CTNND2: variants seen among roughly 807,000 people sequenced by gnomAD.
CTNND2 encodes the protein catenin delta 2.
In CTNND2, 22 loss-of-function variants were observed where a neutral mutation model predicts 144.4. The observed-to-expected ratio is 0.15, with a 90% CI of 0.11 to 0.22. CTNND2 has a LOEUF of 0.22. Among genes scored for constraint, CTNND2 ranks in the 10% least tolerant of loss-of-function variants. The pLI, the probability that CTNND2 is intolerant of heterozygous loss-of-function variation, is 1.00. For missense variants in CTNND2, 1,353 were observed against 1,618.8 expected (o/e 0.84, Z 2.82); for synonymous variants, 751 against 695.6 (o/e 1.08, Z -1.25).
At chr5:11,359,702 A>T (rs2149762435) in intron 8 of CTNND2, among the ~76,000 whole-genome samples, 1 of 152,246 alleles carries the variant, frequency 6.6e-6, no homozygotes, top group South Asian at 2.1e-4. Context: ...GGATGCAGGC[A>T]TTGCTGTCCC....
intron 3 of CTNND2, among the ~76,000 whole-genome samples, chr5:11,464,504 A>T (rs2149940961): frequency 6.6e-6 from 1 of 152,272 alleles, no homozygotes; most frequent in South Asian, 2.1e-4. Flanking sequence ...AGGGCTCCAG[A>T]CAACTAGGGC....
chr5:11,355,513 T>C (rs1755776575), intron 8 of CTNND2, among the ~76,000 whole-genome samples: 1 of 151,992 alleles, frequency 6.6e-6, no homozygotes, highest in Admixed American at 6.5e-5. Context: ...ATAGAAAGTG[T>C]GTACCACAAC....
intron 12 of CTNND2, among the ~76,000 whole-genome samples, chr5:11,159,025 G>C (rs542177870): frequency 6.6e-6 from 1 of 152,144 alleles, no homozygotes; most frequent in Non-Finnish European, 1.5e-5. Flanking sequence ...CATCAGGAGA[G>C]AATCACAAGA....
At chr5:11,644,383 C>A (rs1782233036) in intron 2 of CTNND2, among the ~76,000 whole-genome samples, 1 of 152,194 alleles carries the variant, frequency 6.6e-6, no homozygotes, top group Non-Finnish European at 1.5e-5. Flanking sequence ...TAAATGATAC[C>A]AAGCGGCTGT....
In CTNND2 at chr5:11,565,174, G is replaced by C. The variant is rs1050916913; in HGVS notation, c.175-118C>G. On this transcript the variant is annotated intron_variant, in intron 2 of 21. Transcript: ENST00000304623. ...TGATTTTCCAAGATGTCAAATTTGA[G>C]AAATGTGCAATAAAACTAGGATTCG... is the stretch of plus-strand genomic sequence containing the variant. The C allele has an allele frequency of 2.1e-5, 15 of 717,400 alleles. No homozygotes were observed. The Middle Eastern group carries it at 7.4e-4, about 35-fold the overall frequency. 44.4% of individuals were successfully genotyped at this position (717,400 alleles called of 1,614,324 possible).
chr5:11,364,996 C>A, intron 7 of CTNND2, 106 bp from the exon 8 acceptor site: 1 of 911,008 alleles, frequency 1.1e-6, no homozygotes, highest in Non-Finnish European at 1.7e-6. Context: ...GTTGAAATTC[C>A]CAGGAAACCA....
chr5:11,382,252 T>A (rs1409302779), intron 7 of CTNND2, among the ~76,000 whole-genome samples: 1 of 152,234 alleles, frequency 6.6e-6, no homozygotes, highest in Non-Finnish European at 1.5e-5. Flanking sequence ...TTGGCTGATT[T>A]CTTATCCCTA....
At chr5:11,344,774 T>A (rs1269048324) in intron 9 of CTNND2, among the ~76,000 whole-genome samples, 1 of 151,992 alleles carries the variant, frequency 6.6e-6, no homozygotes, top group Non-Finnish European at 1.5e-5. Context: ...CTTGAAAAGG[T>A]AAGAGCTGTG....
At chr5:11,716,077 C>T (rs1786333101) in intron 2 of CTNND2, among the ~76,000 whole-genome samples, 1 of 152,150 alleles carries the variant, frequency 6.6e-6, no homozygotes. Context: ...ATTCTGGGGC[C>T]ACCAATCCTC....
chr5:11,716,157 A>G (rs1786338692), intron 2 of CTNND2, among the ~76,000 whole-genome samples: 2 of 152,360 alleles, frequency 1.3e-5, no homozygotes, highest in South Asian at 4.1e-4. Flanking sequence ...ACAGCCACTC[A>G]TAAGGGGTTT....
chr5:11,839,481 G>T (rs1186381168), intron 1 of CTNND2, among the ~76,000 whole-genome samples: 1 of 152,172 alleles, frequency 6.6e-6, no homozygotes, highest in East Asian at 1.9e-4. Context: ...TGGCTCCAGG[G>T]ATTACCTGGA....
intron 3 of CTNND2, among the ~76,000 whole-genome samples, chr5:11,524,927 T>C (rs1773092246): frequency 6.6e-6 from 1 of 152,234 alleles, no homozygotes. Context: ...AAATATGCTA[T>C]GTTCATTGAT....
chr5:11,693,625 T>A (rs188534547), intron 2 of CTNND2, among the ~76,000 whole-genome samples: 14 of 152,348 alleles, frequency 9.2e-5, no homozygotes, highest in Admixed American at 2.6e-4. Flanking sequence ...CAGGGCTGTT[T>A]GTGTCTTTTG....
At chr5:11,323,449 C>G (rs776909770) in intron 9 of CTNND2, among the ~76,000 whole-genome samples, 4 of 152,122 alleles carry the variant, frequency 2.6e-5, no homozygotes, top group Non-Finnish European at 5.9e-5. Context: ...AGTTGGGACA[C>G]AGTGAGGAGC....
chr5:11,798,605 A>G (rs1039661059), intron 1 of CTNND2, among the ~76,000 whole-genome samples: 3 of 152,168 alleles, frequency 2.0e-5, no homozygotes, highest in African/African-American at 7.2e-5. Flanking sequence ...TGTCTTTACT[A>G]AAAATACAAA....
intron 1 of CTNND2, among the ~76,000 whole-genome samples, chr5:11,800,991 G>A (rs958930650): frequency 6.6e-6 from 1 of 152,162 alleles, no homozygotes; most frequent in African/African-American, 2.4e-5. Context: ...TCAAGAGGGT[G>A]TTCTTTGCAT....
At chr5:11,254,724 T>C (rs1231888895) in intron 9 of CTNND2, among the ~76,000 whole-genome samples, 1 of 152,230 alleles carries the variant, frequency 6.6e-6, no homozygotes, top group African/African-American at 2.4e-5. Context: ...TAAAATACTT[T>C]TCTGAGCTAG....
chr5:11,894,861 A>T lies in CTNND2; in HGVS notation c.37+8956T>A, dbSNP rs137983207. ...AAACCAACCCAAAGCAAGCAAAGAA[A>T]CCTTGGTTCAGAAACCATTTTTGCC... On this transcript the variant is annotated intron_variant, in intron 1 of 21. Coordinates refer to ENST00000304623, the MANE Select transcript of CTNND2 (RefSeq NM_001332.4). Among the ~76,000 whole-genome samples the T allele has an allele frequency of 6.4e-3, 977 of 152,270 alleles. 8 individuals carry two copies. The highest frequency in any genetic ancestry group is 0.022 in the African/African-American group (910 of 41,538).
intron 3 of CTNND2, among the ~76,000 whole-genome samples, chr5:11,473,608 T>C (rs1767445186): frequency 6.6e-6 from 1 of 152,262 alleles, no homozygotes; most frequent in South Asian, 2.1e-4. Flanking sequence ...AATGGCTCCA[T>C]CGCTATTCCC....
Sources: gnomAD v4.1 joint callset for allele counts (sites outside exome capture counted in the v4.1 genomes callset) on GRCh38, gnomAD v4.1.1 for gene constraint, MANE v1.5 for transcripts, NCBI Gene and HGNC (gene_info 2026-07-23, HGNC 2026-07-21) for gene names.